RAB6B: variants seen among roughly 807,000 people sequenced by gnomAD.
RAB6B encodes the protein RAB6B, member RAS oncogene family.
A neutral mutation model predicts 31.2 loss-of-function variants in RAB6B; 7 were observed. The observed-to-expected ratio is 0.22, with a 90% CI of 0.13 to 0.42. The LOEUF is 0.42. Ranked by LOEUF, RAB6B falls within the 10% of genes least tolerant of loss-of-function variation. RAB6B has a pLI of 1.00. For synonymous variants in RAB6B, 105 were observed against 104.9 expected (o/e 1.00, Z -0.01); for missense variants, 149 against 280.6 (o/e 0.53, Z 3.35).
intron 2 of RAB6B, among the ~76,000 whole-genome samples, chr3:133,851,195 T>C (rs1297252313): frequency 1.3e-5 from 2 of 152,226 alleles, no homozygotes; most frequent in South Asian, 2.1e-4. Context: ...AATATACTAA[T>C]GGAAACTAGA....
chr3:133,864,842 G>T (rs186349577), intron 1 of RAB6B, among the ~76,000 whole-genome samples, 200 bp from the exon 2 acceptor site: 118 of 152,322 alleles, frequency 7.7e-4, no homozygotes, highest in Middle Eastern at 6.8e-3. Context: ...GTGGGCTGAG[G>T]GCTGTTCCTG....
At chr3:133,872,165 T>G (rs1180386361) in intron 1 of RAB6B, among the ~76,000 whole-genome samples, 1 of 152,222 alleles carries the variant, frequency 6.6e-6, no homozygotes, top group Non-Finnish European at 1.5e-5. Context: ...CAGAAGGTGG[T>G]GCTCAGGGCT....
At chr3:133,894,476 G>C (rs1229813520) in intron 1 of RAB6B, 1 of 152,378 alleles carries the variant, frequency 6.6e-6, no homozygotes, top group Non-Finnish European at 1.5e-5. Flanking sequence ...CCGACTGCCA[G>C]GGTGACCTCC....
Position 133,889,442 on chromosome 3 carries a change from A to G in RAB6B, c.70+5955T>C, listed in dbSNP as rs187168559. Among the ~76,000 whole-genome samples the G allele has an allele frequency of 6.8e-5, 6 of 87,854 alleles. No individual in the cohort carries two copies. In the South Asian group the frequency reaches 2.3e-3, roughly 34 times the overall value. The allele number at this position is 87,854 out of a possible 152,430, so 57.6% of individuals were successfully genotyped here. On this transcript the variant is annotated intron_variant, in intron 1 of 7. Coordinates refer to ENST00000285208, the MANE Select transcript of RAB6B (RefSeq NM_016577.4). ...TATATATATATATATATATATATATATATTTATTTTGGGATGGAGTTTTGC... is the reference window on the plus strand; with the variant it reads ...TATATATATATATATATATATATATGTATTTATTTTGGGATGGAGTTTTGC...
intron 1 of RAB6B, among the ~76,000 whole-genome samples, chr3:133,886,069 C>G (rs1332087713): frequency 6.6e-6 from 1 of 152,164 alleles, no homozygotes; most frequent in Non-Finnish European, 1.5e-5. Flanking sequence ...CTCCCCCAGG[C>G]TCAACCCCTT....
intron 4 of RAB6B, among the ~76,000 whole-genome samples, chr3:133,840,620 G>A (rs922913005): frequency 6.6e-5 from 10 of 152,168 alleles, no homozygotes; most frequent in Admixed American, 4.6e-4. Context: ...TAGGGCATTC[G>A]CCCACTTCAG....
At chr3:133,873,705 T>C (rs571207757) in intron 1 of RAB6B, among the ~76,000 whole-genome samples, 90 of 152,320 alleles carry the variant, frequency 5.9e-4, no homozygotes, top group African/African-American at 2.0e-3. Context: ...CGTTTTAATA[T>C]ATAGAGAGTT....
At chr3:133,885,477 G>C in intron 1 of RAB6B, 1 of 701,140 alleles carries the variant, frequency 1.4e-6, no homozygotes, top group Non-Finnish European at 2.6e-6. Context: ...CACACCCAAT[G>C]ACCAGAGGAT....
rs374390529 is a variant in RAB6B at position 133,882,230 on chromosome 3, G to A, written c.70+13167C>T. Reference sequence around the variant, plus strand: ...ACAGCAGCTTACTTCTTCAAGGCCAGCAAGAGGAGTCTCATAAAGAAACAT... The same window carrying A: ...ACAGCAGCTTACTTCTTCAAGGCCAACAAGAGGAGTCTCATAAAGAAACAT... On this transcript the variant is annotated intron_variant, in intron 1 of 7. Coordinates refer to ENST00000285208, the MANE Select transcript of RAB6B (RefSeq NM_016577.4). Among the ~76,000 whole-genome samples, 44 of 152,326 alleles carry A rather than the reference G, an allele frequency of 2.9e-4. 1 individual carries two copies. The highest frequency in any genetic ancestry group is 9.9e-4 in the African/African-American group (41 of 41,574).
At chr3:133,831,278 A>G (rs1394666653) in intron 7 of RAB6B, among the ~76,000 whole-genome samples, 1 of 152,208 alleles carries the variant, frequency 6.6e-6, no homozygotes, top group Non-Finnish European at 1.5e-5. Flanking sequence ...GTCCCAATGC[A>G]CAGACATCCG....
intron 1 of RAB6B, among the ~76,000 whole-genome samples, chr3:133,875,886 AGAG>A (rs1936388143): frequency 6.6e-6 from 1 of 152,216 alleles, no homozygotes. Context: ...AAAATCAGGC[AGAG>A]GAGAACCGAA....
At chr3:133,887,022 TG>T (rs1936557976) in intron 1 of RAB6B, among the ~76,000 whole-genome samples, 1 of 30,666 alleles carries the variant, frequency 3.3e-5, no homozygotes, top group Non-Finnish European at 6.9e-5. Context: ...GGTGATGGGG[TG>T]GGGGTGGGAG....
In RAB6B at chr3:133,891,200, A is replaced by G. The variant is rs1439607622; in HGVS notation, c.70+4197T>C. On this transcript the variant is annotated intron_variant, in intron 1 of 7. Transcript: ENST00000285208. ...TCCAGGCAGTGGGGGCCACTGAATG[A>G]TCATTAACCCTTAACCACAGAGGAA... Among the ~76,000 whole-genome samples, 4 of 152,170 alleles carry G rather than the reference A, an allele frequency of 2.6e-5. No individual in the cohort carries two copies. In the East Asian group the frequency reaches 7.7e-4, roughly 29 times the overall value.
At chr3:133,876,032 T>C (rs1936392419) in intron 1 of RAB6B, among the ~76,000 whole-genome samples, 1 of 152,212 alleles carries the variant, frequency 6.6e-6, no homozygotes, top group African/African-American at 2.4e-5. Flanking sequence ...ATAAAGTAGC[T>C]ATGTATCAAT....
intron 1 of RAB6B, among the ~76,000 whole-genome samples, chr3:133,871,494 G>A (rs555578419): frequency 1.4e-4 from 22 of 152,338 alleles, no homozygotes; most frequent in South Asian, 8.3e-4. Flanking sequence ...CAGCTGCCAC[G>A]TGACGCCAAA....
At chr3:133,835,810 C>G (rs1475631450) in intron 6 of RAB6B, among the ~76,000 whole-genome samples, 13 of 152,048 alleles carry the variant, frequency 8.5e-5, no homozygotes, top group African/African-American at 3.1e-4. Flanking sequence ...TGTGAGGATG[C>G]AGCAGGAAGG....
chr3:133,888,227 C>A (rs1936581212), intron 1 of RAB6B, among the ~76,000 whole-genome samples: 1 of 152,262 alleles, frequency 6.6e-6, no homozygotes, highest in African/African-American at 2.4e-5. Context: ...CACAGTGAGT[C>A]CTTGGGCAGG....
At chr3:133,885,611 C>G in intron 1 of RAB6B, 1 of 702,992 alleles carries the variant, frequency 1.4e-6, no homozygotes, top group South Asian at 1.5e-5. Flanking sequence ...GAAGGGCTGC[C>G]AGCAGTCCCG....
At chr3:133,889,879 G>A (rs965300918) in intron 1 of RAB6B, among the ~76,000 whole-genome samples, 4 of 151,848 alleles carry the variant, frequency 2.6e-5, no homozygotes, top group African/African-American at 4.8e-5. Flanking sequence ...TTTTTTCTTT[G>A]CTGGCAAGTT....
Sources: allele counts gnomAD v4.1 joint callset (sites outside exome capture counted in the v4.1 genomes callset), GRCh38; gene constraint gnomAD v4.1.1; transcripts MANE v1.5; gene names NCBI Gene and HGNC (gene_info 2026-07-23, HGNC 2026-07-21).